DZANK1: variants seen among roughly 807,000 people sequenced by gnomAD.
DZANK1 encodes the protein double zinc ribbon and ankyrin repeat domains 1, also known as double zinc ribbon and ankyrin repeat-containing protein 1.
DZANK1 carries 91 observed loss-of-function variants against 94.5 expected under a neutral mutation model. That is an observed-to-expected ratio of 0.96 (90% CI 0.81 to 1.15). The LOEUF is 1.15. Ranked by LOEUF, DZANK1 falls within the 50% of genes most tolerant of loss-of-function variation. DZANK1 has a pLI of 0.00. For synonymous variants in DZANK1, 312 were observed against 325.3 expected, an observed-to-expected ratio of 0.96 and a Z score of 0.44; for missense variants, 903 against 916.4, an observed-to-expected ratio of 0.99 and a Z score of 0.19.
In DZANK1 at chr20:18,453,902, T is replaced by G. The variant is rs750305159; in HGVS notation, c.379-75A>C. The G allele has an allele frequency of 1.3e-5, 12 of 925,652 alleles. No homozygotes were observed. In the South Asian group the frequency reaches 1.6e-4, roughly 12 times the overall value. The allele number at this position is 925,652 out of a possible 1,614,324, so 57.3% of individuals were successfully genotyped here. On this transcript the variant is annotated intron_variant, in intron 4 of 20. Transcript: ENST00000262547. Reference sequence around the variant, plus strand: ...AATTAAAGCTGCATGATAGAGAAAGTGTCATGGTGTGCATTTCTTATTTGA... The same window carrying G: ...AATTAAAGCTGCATGATAGAGAAAGGGTCATGGTGTGCATTTCTTATTTGA...
intron 3 of DZANK1, among the ~76,000 whole-genome samples, chr20:18,456,312 G>C (rs544378201): frequency 6.6e-6 from 1 of 152,194 alleles, no homozygotes; most frequent in Non-Finnish European, 1.5e-5. Flanking sequence ...TGCAGTAAGA[G>C]CTTCATAAGA....
chr20:18,397,301 A>G (rs192870401), intron 14 of DZANK1, among the ~76,000 whole-genome samples: 86 of 152,338 alleles, frequency 5.6e-4, no homozygotes, highest in Admixed American at 5.3e-3. Flanking sequence ...ATGTTGGCCT[A>G]TTTGGCAGCA....
chr20:18,412,880 A>G (rs1399649047), intron 12 of DZANK1, 27 bp from the exon 13 acceptor site: 2 of 1,572,686 alleles, frequency 1.3e-6, no homozygotes, highest in Non-Finnish European at 1.7e-6. Flanking sequence ...AGACATTTTT[A>G]AAATTAGAAT....
chr20:18,392,896 A>G (rs1253065952), intron 17 of DZANK1, among the ~76,000 whole-genome samples: 1 of 152,166 alleles, frequency 6.6e-6, no homozygotes, highest in Non-Finnish European at 1.5e-5. Flanking sequence ...ATTAATCCAT[A>G]TGGAGGTTAG....
intron 9 of DZANK1, chr20:18,432,486 T>C (rs1387831353): frequency 1.3e-5 from 2 of 152,222 alleles, no homozygotes; most frequent in South Asian, 2.1e-4. Context: ...TTAGTAAATT[T>C]TCCTCTACCT....
At chr20:18,433,882 G>C in intron 8 of DZANK1, 117 bp from the exon 9 acceptor site, 1 of 845,418 alleles carries the variant, frequency 1.2e-6, no homozygotes, top group South Asian at 1.8e-5. Context: ...GATCTCATCT[G>C]ATCTCAAAAC....
rs911768008 is a variant in DZANK1, at chr20:18,394,505, C to G, written c.1612-155G>C. 13 of 755,020 alleles carry G rather than the reference C, an allele frequency of 1.7e-5. No homozygotes were observed. In the African/African-American group the frequency reaches 2.1e-4, roughly 12 times the overall value. 46.8% of individuals were successfully genotyped at this position (755,020 alleles called of 1,614,324 possible). ...GACCTGGATGTCCTTCCTGACTCCT[C>G]CTCACCTCCCCAGCATGCTTTGTCC... is the stretch of plus-strand genomic sequence containing the variant. On this transcript the variant is annotated intron_variant, in intron 15 of 20. Transcript: ENST00000262547.
chr20:18,393,721 T>C (rs756990433), exon 17 of DZANK1: 2 of 1,605,242 alleles, frequency 1.2e-6, no homozygotes, highest in African/African-American at 2.7e-5. Context: ...TATAAGCTGC[T>C]CCTTCTTTTC....
chr20:18,416,173 C>T (rs2057480231), intron 10 of DZANK1, among the ~76,000 whole-genome samples: 1 of 152,116 alleles, frequency 6.6e-6, no homozygotes. Flanking sequence ...AGCTTGGGGA[C>T]ACAGAGAGGG....
chr20:18,462,612 G>T (rs2059507627), intron 2 of DZANK1, among the ~76,000 whole-genome samples: 1 of 152,106 alleles, frequency 6.6e-6, no homozygotes, highest in South Asian at 2.1e-4. Context: ...ACTAACAGAT[G>T]TTGCAGAGAA....
rs142013110 is a variant in DZANK1 at position 18,409,840 on chromosome 20, C to T, written c.1432+2806G>A. Reference sequence around the variant, plus strand: ...ATCCTAGCACTTCGGGAGGCCAAGGCGGGTGGATCACGAGGTCAGGCGATC... The same window carrying T: ...ATCCTAGCACTTCGGGAGGCCAAGGTGGGTGGATCACGAGGTCAGGCGATC... On this transcript the variant is annotated intron_variant, in intron 13 of 20. Transcript: ENST00000262547. Among the ~76,000 whole-genome samples the T allele has an allele frequency of 8.9e-4, 136 of 152,014 alleles. 2 individuals are homozygous for T. The East Asian group carries it at 0.025, about 28-fold the overall frequency.
At chr20:18,384,662 C>A in intron 20 of DZANK1, 98 bp from the exon 21 acceptor site, 1 of 1,318,502 alleles carries the variant, frequency 7.6e-7, no homozygotes, top group Non-Finnish European at 1.0e-6. Flanking sequence ...GGCTGGGCCC[C>A]TCCTGGTCCC....
intron 10 of DZANK1, among the ~76,000 whole-genome samples, chr20:18,421,621 G>T (rs1320494389): frequency 2.0e-5 from 3 of 152,226 alleles, no homozygotes; most frequent in Non-Finnish European, 2.9e-5. Context: ...GGAAAGTCCA[G>T]ATCACTTAGG....
At chr20:18,438,238 AAGAAATAACACAAAAG>A (rs2058603991) in intron 8 of DZANK1, among the ~76,000 whole-genome samples, 3 of 135,946 alleles carry the variant, frequency 2.2e-5, no homozygotes, top group African/African-American at 8.0e-5. Flanking sequence ...AAAAAAAAAA[AAGAAATAACACAAAAG>A]AAAGCAGTAA....
intron 10 of DZANK1, among the ~76,000 whole-genome samples, chr20:18,425,785 C>A (rs1332620019): frequency 6.6e-6 from 1 of 152,172 alleles, no homozygotes; most frequent in Non-Finnish European, 1.5e-5. Flanking sequence ...CATACACACA[C>A]AGGCAGACAC....
intron 13 of DZANK1, among the ~76,000 whole-genome samples, chr20:18,409,375 A>G (rs924047984): frequency 1.6e-4 from 25 of 152,228 alleles, no homozygotes; most frequent in Admixed American, 1.2e-3. Context: ...AACGGAGGCC[A>G]GAAGACAGTA....
At chr20:18,428,215 A>ATC (rs1166455658) in intron 9 of DZANK1, among the ~76,000 whole-genome samples, 4 of 150,250 alleles carry the variant, frequency 2.7e-5, no homozygotes, top group African/African-American at 9.8e-5. Context: ...TTGAGACGGA[A>ATC]TCTCCTTCTG....
chr20:18,464,965 G>T (rs1169712218), intron 2 of DZANK1, among the ~76,000 whole-genome samples: 1 of 151,556 alleles, frequency 6.6e-6, no homozygotes, highest in Non-Finnish European at 1.5e-5. Flanking sequence ...GTGAACCACC[G>T]CACCCGGCCA....
chr20:18,416,769 T>G (rs901839520), intron 10 of DZANK1, among the ~76,000 whole-genome samples: 2 of 152,090 alleles, frequency 1.3e-5, no homozygotes, highest in African/African-American at 4.8e-5. Context: ...TGCCTTCATT[T>G]CTGTGCAATT....
Sources: allele counts gnomAD v4.1 joint callset (sites outside exome capture counted in the v4.1 genomes callset), GRCh38; gene constraint gnomAD v4.1.1; transcripts MANE v1.5; gene names NCBI Gene and HGNC (gene_info 2026-07-23, HGNC 2026-07-21).